Variants in KCNJ16 observed in about 807,000 individuals in gnomAD.
KCNJ16 encodes the protein potassium inwardly rectifying channel subfamily J member 16.
Under a neutral mutation model 18.5 loss-of-function variants are expected in KCNJ16, and 15 were observed. The ratio of observed to expected loss-of-function variants is 0.81; its 90% CI spans 0.54 to 1.25. The LOEUF is 1.25. Among genes scored for constraint, KCNJ16 ranks in the 50% most tolerant of loss-of-function variants. The pLI is 0.00. For synonymous variants in KCNJ16, 174 were observed against 186.5 expected, an observed-to-expected ratio of 0.93 and a Z score of 0.55; for missense variants, 523 against 525.7, an observed-to-expected ratio of 0.99 and a Z score of 0.05.
chr17:70,077,053 T>C (rs755840953), intron 1 of KCNJ16, among the ~76,000 whole-genome samples: 14 of 152,136 alleles, frequency 9.2e-5, no homozygotes, highest in East Asian at 1.9e-4. Context: ...GTGAGCAACG[T>C]AGAATCCTTG....
Position 70,134,921 on chromosome 17 carries a change from G to C in KCNJ16, c.*1577G>C, listed in dbSNP as rs184702083. 5.8e-4 allele frequency: 95 copies of C among 165,100 alleles called. No individual in the cohort carries two copies. The Middle Eastern group carries it at 0.018, about 31-fold the overall frequency. The allele number at this position is 165,100 out of a possible 1,614,324, so 10.2% of individuals were successfully genotyped here. ...GTATAGGTAGATAGAGTGCCTTTCT[G>C]TTTCTTTTCTTTTCTTTTTTCTTTT... On this transcript the variant is annotated 3_prime_UTR_variant, in exon 4 of 4. Transcript: ENST00000392671.
intron 2 of KCNJ16, among the ~76,000 whole-genome samples, chr17:70,106,730 C>A (rs1189286233): frequency 1.3e-5 from 2 of 152,170 alleles, no homozygotes; most frequent in Admixed American, 6.5e-5. Flanking sequence ...CACCCTGGAC[C>A]TTGCCTGTCT....
intron 2 of KCNJ16, chr17:70,128,855 C>G (rs186851136): frequency 1.3e-5 from 2 of 152,388 alleles, no homozygotes; most frequent in East Asian, 3.9e-4. Context: ...TACAGACGGG[C>G]TGAGGTCTAC....
intron 2 of KCNJ16, among the ~76,000 whole-genome samples, chr17:70,127,833 A>T (rs753317285): frequency 6.6e-6 from 1 of 152,214 alleles, no homozygotes; most frequent in Non-Finnish European, 1.5e-5. Flanking sequence ...TTTACATGGT[A>T]AAGAAGGCAC....
intron 1 of KCNJ16, among the ~76,000 whole-genome samples, chr17:70,078,870 T>C (rs2071426016): frequency 1.3e-5 from 2 of 152,172 alleles, no homozygotes; most frequent in South Asian, 2.1e-4. Flanking sequence ...CAGGTTAATA[T>C]TGTCCTGCGT....
Position 70,093,464 on chromosome 17 carries a change from T to G in KCNJ16, c.-299-7194T>G, listed in dbSNP as rs377216774. On this transcript the variant is annotated intron_variant, in intron 1 of 3. Transcript: ENST00000392671. ...TCTCCTGTAAGGACACCAGTCGTAT[T>G]GGATCCGGGCCCACTCTAATGACTT... 3.0e-3 allele frequency among the ~76,000 whole-genome samples: 453 copies of G among 152,324 alleles called. 8 individuals are homozygous for G. The South Asian group carries it at 0.046, about 16-fold the overall frequency.
intron 1 of KCNJ16, among the ~76,000 whole-genome samples, chr17:70,077,684 T>G (rs1417721631): frequency 1.3e-5 from 2 of 151,698 alleles, no homozygotes; most frequent in East Asian, 1.9e-4. Context: ...GTTTTTTTTT[T>G]TTGTTTGTTT....
At chr17:70,106,011 C>T (rs895683338) in intron 2 of KCNJ16, among the ~76,000 whole-genome samples, 9 of 152,196 alleles carry the variant, frequency 5.9e-5, no homozygotes, top group African/African-American at 1.7e-4. Context: ...AGATGGAGTG[C>T]GGGTATTTTT....
chr17:70,108,902 C>T (rs2143968710), intron 2 of KCNJ16, among the ~76,000 whole-genome samples: 1 of 152,076 alleles, frequency 6.6e-6, no homozygotes, highest in South Asian at 2.1e-4. Context: ...TTCTCCAATC[C>T]CTAGAGCTGA....
chr17:70,131,639 A>T (rs1380594584), intron 3 of KCNJ16, among the ~76,000 whole-genome samples: 2 of 152,250 alleles, frequency 1.3e-5, no homozygotes, highest in Non-Finnish European at 2.9e-5. Flanking sequence ...TTGCCTTTTC[A>T]TATTAGCAAT....
chr17:70,082,073 T>G (rs1453462272), intron 1 of KCNJ16, among the ~76,000 whole-genome samples: 1 of 152,190 alleles, frequency 6.6e-6, no homozygotes, highest in Non-Finnish European at 1.5e-5. Flanking sequence ...TCACTAGGCA[T>G]GTAAAGATTA....
At chr17:70,111,911 T>C (rs192410422) in intron 2 of KCNJ16, among the ~76,000 whole-genome samples, 1 of 152,178 alleles carries the variant, frequency 6.6e-6, no homozygotes, top group African/African-American at 2.4e-5. Flanking sequence ...TTTTTCTGTA[T>C]ATAAATTACC....
intron 2 of KCNJ16, among the ~76,000 whole-genome samples, chr17:70,110,225 T>C (rs2073127415): frequency 6.6e-6 from 1 of 152,158 alleles, no homozygotes; most frequent in Non-Finnish European, 1.5e-5. Context: ...AAAGGGTTTT[T>C]TTGTTTTGGG....
chr17:70,092,426 C>A (rs8182292), intron 1 of KCNJ16, among the ~76,000 whole-genome samples: 128,581 of 151,856 alleles, frequency 0.85, 54,491 homozygotes, highest in East Asian at 0.95. Flanking sequence ...TTTTACAGTT[C>A]GAAATAACTG....
chr17:70,129,941 T>C (rs886695450), intron 2 of KCNJ16, among the ~76,000 whole-genome samples: 4 of 144,954 alleles, frequency 2.8e-5, no homozygotes, highest in African/African-American at 1.1e-4. Context: ...TTTATTTATT[T>C]ATTTATTTTT....
At chr17:70,129,120 T>C (rs12946762) in intron 2 of KCNJ16, among the ~76,000 whole-genome samples, 16,839 of 152,190 alleles carry the variant, frequency 0.11, 962 homozygotes, top group Admixed American at 0.18. Flanking sequence ...CCCCGCAGCT[T>C]CCAGGCCCAG....
At chr17:70,075,620 C>T (rs749294293) in intron 1 of KCNJ16, among the ~76,000 whole-genome samples, 3 of 152,158 alleles carry the variant, frequency 2.0e-5, no homozygotes, top group African/African-American at 7.2e-5. Context: ...AGTAGTCTCA[C>T]ATTGGTGTTT....
At chr17:70,083,613 T>A (rs1193925473) in intron 1 of KCNJ16, among the ~76,000 whole-genome samples, 1 of 152,142 alleles carries the variant, frequency 6.6e-6, no homozygotes, top group Non-Finnish European at 1.5e-5. Flanking sequence ...ACAGCCTAGG[T>A]GTGTAGTAGA....
chr17:70,113,517 T>C (rs1189044748), intron 2 of KCNJ16, among the ~76,000 whole-genome samples: 2 of 152,176 alleles, frequency 1.3e-5, no homozygotes, highest in East Asian at 1.9e-4. Context: ...CTTACTGTCA[T>C]TGGTGTATTT....
Sources: gnomAD v4.1 joint callset for allele counts (sites outside exome capture counted in the v4.1 genomes callset) on GRCh38, gnomAD v4.1.1 for gene constraint, MANE v1.5 for transcripts, NCBI Gene and HGNC (gene_info 2026-07-23, HGNC 2026-07-21) for gene names.